Variants in RAB30 observed in about 807,000 individuals in gnomAD.
The protein encoded by RAB30 is ras-related protein Rab-30.
RAB30 carries 9 observed loss-of-function variants against 25.1 expected under a neutral mutation model. The ratio of observed to expected loss-of-function variants is 0.36; its 90% CI spans 0.22 to 0.63. RAB30 has a LOEUF of 0.63. RAB30 is among the 20% of genes least tolerant of loss of function. The probability of loss-of-function intolerance (pLI) is 0.69; values close to 1 mark genes in which losing one functional copy is unlikely to be tolerated. For synonymous variants in RAB30, 77 were observed against 86.4 expected (o/e 0.89, Z 0.60); for missense variants, 140 against 243.5 (o/e 0.58, Z 2.83).
Position 82,979,969 on chromosome 11 carries a change from C to T in RAB30, c.*2196G>A, listed in dbSNP as rs1198685198. 1 of 152,186 alleles carries T rather than the reference C, an allele frequency of 6.6e-6. No individual in the cohort carries two copies. The highest frequency in any genetic ancestry group is 2.4e-5 in the African/African-American group (1 of 41,434). The allele number at this position is 152,186 out of a possible 1,614,324, so 9.4% of individuals were successfully genotyped here. ...CTAAATCAGTCCAATCTAACACAGC[C>T]ATTTCCTCTAAGTTCACAAAGCAAC... On this transcript the variant is annotated 3_prime_UTR_variant, in exon 5 of 5. Transcript: ENST00000527633.
Position 82,979,029 on chromosome 11 carries a change from A to G in RAB30, c.*3136T>C, listed in dbSNP as rs1436622654. On this transcript the variant is annotated 3_prime_UTR_variant, in exon 5 of 5. Coordinates refer to ENST00000527633, the MANE Select transcript of RAB30 (RefSeq NM_001286060.2). Reference sequence around the variant, plus strand: ...CATGGCCTAATCTAAGTAATCCATCAAAAAAGATAATTGGCCCTGTAAATT... The same window carrying G: ...CATGGCCTAATCTAAGTAATCCATCGAAAAAGATAATTGGCCCTGTAAATT... 1 of 152,198 alleles carries G rather than the reference A, an allele frequency of 6.6e-6. No individual in the cohort carries two copies. The highest frequency in any genetic ancestry group is 6.5e-5 in the Admixed American group (1 of 15,270). The allele number at this position is 152,198 out of a possible 1,614,324, so 9.4% of individuals were successfully genotyped here. A position where few individuals can be genotyped will look rare whatever the true frequency, so the allele number is the denominator to read the frequency against.
chr11:83,018,154 C>T (rs1051155635), intron 1 of RAB30, among the ~76,000 whole-genome samples: 5 of 152,116 alleles, frequency 3.3e-5, no homozygotes, highest in Non-Finnish European at 5.9e-5. Flanking sequence ...CAAAAATTAG[C>T]TGGGCATGGT....
chr11:83,033,640 C>G (rs543710542), intron 1 of RAB30, among the ~76,000 whole-genome samples: 1 of 152,282 alleles, frequency 6.6e-6, no homozygotes, highest in African/African-American at 2.4e-5. Context: ...TGATTTGAAC[C>G]TAGGTTTGCA....
chr11:83,053,411 G>C (rs539877186), intron 1 of RAB30, among the ~76,000 whole-genome samples: 1 of 152,284 alleles, frequency 6.6e-6, no homozygotes, highest in African/African-American at 2.4e-5. Flanking sequence ...CAATTTCTTA[G>C]TATTGAAATT....
chr11:83,053,068 T>G (rs957850527), intron 1 of RAB30, among the ~76,000 whole-genome samples: 3 of 152,174 alleles, frequency 2.0e-5, no homozygotes, highest in Non-Finnish European at 1.5e-5. Context: ...TGGCCTCCCC[T>G]AACTATCATG....
chr11:83,039,971 A>T (rs1858070986), intron 1 of RAB30, among the ~76,000 whole-genome samples: 1 of 152,196 alleles, frequency 6.6e-6, no homozygotes, highest in Non-Finnish European at 1.5e-5. Context: ...AAGGAGGGAA[A>T]GGGTAAGAAA....
At chr11:82,984,600 A>G (rs975211601) in intron 4 of RAB30, among the ~76,000 whole-genome samples, 6 of 152,160 alleles carry the variant, frequency 3.9e-5, no homozygotes, top group Admixed American at 3.3e-4. Flanking sequence ...GCAGAACCTA[A>G]TAGGAAAACT....
At position 82,974,590 on chromosome 11, in the gene RAB30, A is replaced by G. The variant is rs1022873191; in HGVS notation, c.*7575T>C. 2 of 152,196 alleles carry G rather than the reference A, an allele frequency of 1.3e-5. No individual in the cohort carries two copies. The highest frequency in any genetic ancestry group is 1.3e-4 in the Admixed American group (2 of 15,274). 9.4% of individuals were successfully genotyped at this position (152,196 alleles called of 1,614,324 possible). On this transcript the variant is annotated 3_prime_UTR_variant, in exon 5 of 5. Coordinates refer to ENST00000527633, the MANE Select transcript of RAB30 (RefSeq NM_001286060.2). The stretch of plus-strand genomic sequence containing the variant: ...CAAATAATACTGATATCCTATGCTT[A>G]AAACCAATAGCCAAATATCAAGAAT...
intron 1 of RAB30, among the ~76,000 whole-genome samples, chr11:83,027,464 G>C (rs1451408481): frequency 6.6e-6 from 1 of 152,098 alleles, no homozygotes; most frequent in African/African-American, 2.4e-5. Context: ...CTCTTTGCTG[G>C]TGAATGTACC....
In RAB30 at chr11:83,027,707, G is replaced by A. The variant is rs1173497924; in HGVS notation, c.-8-30383C>T. 2.6e-5 allele frequency among the ~76,000 whole-genome samples: 4 copies of A among 152,104 alleles called. No homozygotes were observed. In the East Asian group the frequency reaches 7.7e-4, roughly 29 times the overall value. On this transcript the variant is annotated intron_variant, in intron 1 of 4. Coordinates refer to ENST00000527633, the MANE Select transcript of RAB30 (RefSeq NM_001286060.2). ...AAAATGTACATTTCAATGGTTTTTA[G>A]CATATTTACAGAGTTGTACAACCAT...
At chr11:82,984,238 A>G (rs1003960073) in intron 4 of RAB30, among the ~76,000 whole-genome samples, 1 of 152,194 alleles carries the variant, frequency 6.6e-6, no homozygotes, top group Non-Finnish European at 1.5e-5. Flanking sequence ...ATGGAAAGCC[A>G]TAACTTTGAG....
At chr11:83,026,790 A>T (rs912004929) in intron 1 of RAB30, among the ~76,000 whole-genome samples, 1 of 145,686 alleles carries the variant, frequency 6.9e-6, no homozygotes, top group Admixed American at 7.0e-5. Flanking sequence ...CCCCACAAAA[A>T]TTCAGTAAAG....
chr11:83,026,272 G>A (rs1262797686), intron 1 of RAB30, among the ~76,000 whole-genome samples: 1 of 152,160 alleles, frequency 6.6e-6, no homozygotes, highest in Non-Finnish European at 1.5e-5. Context: ...AATAGGATAC[G>A]TGATATGATT....
intron 1 of RAB30, among the ~76,000 whole-genome samples, chr11:83,017,167 A>C (rs10792671): frequency 0.58 from 87,422 of 151,736 alleles, 25,789 homozygotes; most frequent in African/African-American, 0.72. Context: ...GGCAAAACTA[A>C]GTTCCCACAA....
intron 1 of RAB30, among the ~76,000 whole-genome samples, chr11:83,034,945 A>AGAAAG (rs1210862864): frequency 3.9e-5 from 6 of 152,076 alleles, no homozygotes; most frequent in African/African-American, 7.2e-5. Flanking sequence ...TAAAAAGAAA[A>AGAAAG]GAAAGGAAAA....
chr11:83,032,903 T>C (rs1857902518), intron 1 of RAB30, among the ~76,000 whole-genome samples: 1 of 152,052 alleles, frequency 6.6e-6, no homozygotes. Context: ...CTATCAAGAA[T>C]GATAGGAAAA....
chr11:83,002,130 C>T (rs1857099621), intron 1 of RAB30, among the ~76,000 whole-genome samples: 1 of 152,164 alleles, frequency 6.6e-6, no homozygotes, highest in Admixed American at 6.5e-5. Flanking sequence ...TGCTGCTACC[C>T]CCTGCCTTGT....
chr11:83,027,437 C>T (rs1857749216), intron 1 of RAB30, among the ~76,000 whole-genome samples: 1 of 151,982 alleles, frequency 6.6e-6, no homozygotes, highest in East Asian at 1.9e-4. Context: ...CCCCACCATC[C>T]GAAGAAGAGT....
At chr11:83,039,218 T>C (rs1466668743) in intron 1 of RAB30, 1 of 152,236 alleles carries the variant, frequency 6.6e-6, no homozygotes, top group African/African-American at 2.4e-5. Context: ...GAATGAATGA[T>C]TCCAATGAAT....
Sources: gnomAD v4.1 joint callset for allele counts (sites outside exome capture counted in the v4.1 genomes callset) on GRCh38, gnomAD v4.1.1 for gene constraint, MANE v1.5 for transcripts, NCBI Gene and HGNC (gene_info 2026-07-23, HGNC 2026-07-21) for gene names.